PDE6D: variants seen among roughly 807,000 people sequenced by gnomAD.
PDE6D encodes phosphodiesterase 6D.
In PDE6D, 10 loss-of-function variants were observed where a neutral mutation model predicts 21.9. The ratio of observed to expected loss-of-function variants is 0.46; its 90% confidence interval spans 0.28 to 0.78. The LOEUF (loss-of-function observed/expected upper bound fraction) is 0.78, where lower values mean the gene tolerates loss of function less well. Ranked by LOEUF, PDE6D falls within the 30% of genes least tolerant of loss-of-function variation. The probability of loss-of-function intolerance (pLI) is 0.12; values close to 1 mark genes in which losing one functional copy is unlikely to be tolerated. For synonymous variants in PDE6D, 59 were observed against 63.5 expected (o/e 0.93, Z 0.34); for missense variants, 139 against 184.8 (o/e 0.75, Z 1.44).
intron 1 of PDE6D, among the ~76,000 whole-genome samples, chr2:231,780,592 C>T (rs1050450525): frequency 1.3e-5 from 2 of 152,144 alleles, no homozygotes; most frequent in Admixed American, 6.5e-5. Flanking sequence ...TGGTATTTGT[C>T]CCACACAAGG....
At chr2:231,738,265 ACTTT>A in intron 2 of PDE6D, 127 bp from the exon 3 acceptor site, 1 of 899,848 alleles carries the variant, frequency 1.1e-6, no homozygotes, top group Non-Finnish European at 1.7e-6. Context: ...TTTAGAGAAC[ACTTT>A]CTTACATTTT....
At chr2:231,780,898 T>C (rs2049113453) in intron 1 of PDE6D, among the ~76,000 whole-genome samples, 167 bp downstream of exon 1, 1 of 152,160 alleles carries the variant, frequency 6.6e-6, no homozygotes, top group Non-Finnish European at 1.5e-5. Context: ...GGGGCGCCTC[T>C]CGCGCCGGGT....
chr2:231,774,860 G>C (rs2049042155), intron 1 of PDE6D, among the ~76,000 whole-genome samples: 1 of 151,224 alleles, frequency 6.6e-6, no homozygotes, highest in African/African-American at 2.4e-5. Context: ...CAAAGTGCTG[G>C]CATTACAGGC....
At chr2:231,750,131 G>C (rs1320724398) in intron 1 of PDE6D, among the ~76,000 whole-genome samples, 3 of 152,060 alleles carry the variant, frequency 2.0e-5, no homozygotes, top group African/African-American at 7.2e-5. Flanking sequence ...GATTATCAGG[G>C]GTTTCTGCTT....
At chr2:231,742,591 C>T (rs1483787152) in intron 1 of PDE6D, among the ~76,000 whole-genome samples, 3 of 152,008 alleles carry the variant, frequency 2.0e-5, no homozygotes, top group Non-Finnish European at 4.4e-5. Context: ...TGCAAAAGAT[C>T]GTTAATATTT....
chr2:231,775,434 C>T (rs1559336971), intron 1 of PDE6D, among the ~76,000 whole-genome samples: 1 of 151,364 alleles, frequency 6.6e-6, no homozygotes, highest in Non-Finnish European at 1.5e-5. Context: ...CTCAGCCTCC[C>T]AGTAGCTGGG....
chr2:231,735,650 A>G (rs2048693553), intron 4 of PDE6D, among the ~76,000 whole-genome samples: 1 of 151,894 alleles, frequency 6.6e-6, no homozygotes, highest in African/African-American at 2.4e-5. Flanking sequence ...GACTCAAGCA[A>G]TCCTCCCGCC....
At chr2:231,771,525 A>G (rs779484993) in intron 1 of PDE6D, among the ~76,000 whole-genome samples, 3 of 152,206 alleles carry the variant, frequency 2.0e-5, no homozygotes, top group Non-Finnish European at 2.9e-5. Context: ...ACCGAAAAGC[A>G]GTATAGAATT....
chr2:231,735,778 C>A (rs1370476723), intron 4 of PDE6D, among the ~76,000 whole-genome samples: 1 of 151,610 alleles, frequency 6.6e-6, no homozygotes, highest in African/African-American at 2.4e-5. Context: ...AATCCCAGCA[C>A]TTTGGGAGGT....
chr2:231,768,226 A>G (rs2048988071), intron 1 of PDE6D, among the ~76,000 whole-genome samples: 1 of 152,178 alleles, frequency 6.6e-6, no homozygotes, highest in Non-Finnish European at 1.5e-5. Context: ...TCATTAATGA[A>G]TAAAATTTCA....
intron 1 of PDE6D, chr2:231,778,971 T>C (rs1272101713): frequency 6.6e-6 from 1 of 152,198 alleles, no homozygotes; most frequent in Non-Finnish European, 1.5e-5. Context: ...TGAAAGAAAG[T>C]TCAGAAAATC....
chr2:231,776,258 T>C (rs1038533569), intron 1 of PDE6D, among the ~76,000 whole-genome samples: 4 of 149,748 alleles, frequency 2.7e-5, no homozygotes, highest in African/African-American at 4.9e-5. Flanking sequence ...GAGGTAGAGG[T>C]TGCAGTGAGT....
intron 1 of PDE6D, among the ~76,000 whole-genome samples, chr2:231,744,136 C>T (rs773112807): frequency 1.9e-4 from 29 of 152,302 alleles, no homozygotes; most frequent in Non-Finnish European, 3.7e-4. Flanking sequence ...AGAAAAGTCC[C>T]GGAGGGTCCC....
rs536550976 is a variant in PDE6D, at chr2:231,738,097, G to A, written c.181C>T (p.Arg61Ter). ...TCTGTCGAAGAAAAATTAAGTTCTC[G>A]AGACACTGCCTTGCACTTGAGGATT... ...KKILKCKAVS[R>*]ELNFSSTEQM... The change falls in exon 3 of 5, where the codon CGA becomes TGA. Residue 61 changes from arginine (R) to a stop codon, truncating the protein, a stop_gained. Coordinates refer to ENST00000287600, the MANE Select transcript of PDE6D (RefSeq NM_002601.4). LOFTEE classifies it high-confidence loss of function. 7 of 1,613,748 alleles carry A rather than the reference G, an allele frequency of 4.3e-6. No homozygotes were observed. Among genetic ancestry groups the A allele is most frequent in the Admixed American group, 1.7e-5 (1 of 59,982 alleles).
At chr2:231,750,660 ATT>A (rs561604556) in intron 1 of PDE6D, among the ~76,000 whole-genome samples, 1,429 of 92,010 alleles carry the variant, frequency 0.016, 20 homozygotes, top group African/African-American at 0.06. Context: ...TGCTCATCTA[ATT>A]TTTTTTTTTT....
chr2:231,734,341 T>C (rs2048678363), intron 4 of PDE6D, among the ~76,000 whole-genome samples: 1 of 152,008 alleles, frequency 6.6e-6, no homozygotes, highest in Non-Finnish European at 1.5e-5. Context: ...TTTTGACTTA[T>C]GATATTTTCA....
Position 231,739,678 on chromosome 2 carries a change from C to T in PDE6D, c.51-490G>A, listed in dbSNP as rs1271506018. On this transcript the variant is annotated intron_variant, in intron 1 of 4. Coordinates refer to ENST00000287600, the MANE Select transcript of PDE6D (RefSeq NM_002601.4). The surrounding 1 kb of genome is among the most constrained non-coding windows in gnomAD (Gnocchi z 4.2). ...ACAGAGTCTCACTCTGTCACACAGGCTGGAATGCAGTGGCACAATCTCGGC... is the reference window on the plus strand; with the variant it reads ...ACAGAGTCTCACTCTGTCACACAGGTTGGAATGCAGTGGCACAATCTCGGC... 6.6e-6 allele frequency among the ~76,000 whole-genome samples: 1 copy of T among 151,584 alleles called. No individual in the cohort carries two copies. Among genetic ancestry groups the T allele is most frequent in the Non-Finnish European group, 1.5e-5 (1 of 67,944 alleles).
intron 1 of PDE6D, among the ~76,000 whole-genome samples, chr2:231,748,721 C>T (rs182337931): frequency 1.3e-5 from 2 of 152,320 alleles, no homozygotes; most frequent in East Asian, 3.9e-4. Context: ...GGGCTGGGCC[C>T]AGGTTCCCCA....
At chr2:231,769,682 T>C (rs1167240752) in intron 1 of PDE6D, among the ~76,000 whole-genome samples, 2 of 152,124 alleles carry the variant, frequency 1.3e-5, no homozygotes, top group Non-Finnish European at 2.9e-5. Flanking sequence ...GGCACAATCA[T>C]AGCTCACTGT....
Sources: allele counts gnomAD v4.1 joint callset (sites outside exome capture counted in the v4.1 genomes callset), GRCh38; gene constraint gnomAD v4.1.1; non-coding constraint Gnocchi (gnomAD v3.1); transcripts MANE v1.5; gene names NCBI Gene and HGNC (gene_info 2026-07-23, HGNC 2026-07-21).